Variants in DMD observed in about 807,000 individuals in gnomAD.
The protein encoded by DMD is mutant dystrophin.
Under a neutral mutation model 330.1 loss-of-function variants are expected in DMD, and 63 were observed. The ratio of observed to expected loss-of-function variants is 0.19; its 90% CI spans 0.16 to 0.24. DMD has a LOEUF of 0.24. Among genes scored for constraint, DMD ranks in the 10% least tolerant of loss-of-function variants. DMD has a pLI of 1.00. For synonymous variants in DMD, 1,223 were observed against 959.8 expected (o/e 1.27, Z -5.07); for missense variants, 3,344 against 2,684.1 (o/e 1.25, Z -5.43).
chrX:32,954,729 T>TC (rs768062834), intron 2 of DMD, among the ~76,000 whole-genome samples: 7 of 110,821 alleles, frequency 6.3e-5, no homozygotes, highest in Non-Finnish European at 1.3e-4. Context: ...TGTATGTTAT[T>TC]CCCCTCTAAG....
chrX:31,237,077 A>G (rs2047801735), intron 63 of DMD, among the ~76,000 whole-genome samples: 1 of 112,211 alleles, frequency 8.9e-6, no homozygotes, highest in Non-Finnish European at 1.9e-5. Context: ...AGTAGAAATT[A>G]ACCTTAGTTA....
At chrX:32,927,637 C>T (rs756930302) in intron 2 of DMD, among the ~76,000 whole-genome samples, 1 of 111,086 alleles carries the variant, frequency 9.0e-6, no homozygotes, top group African/African-American at 3.3e-5. Context: ...TTTAAGTTTT[C>T]GGGTATTTAG....
chrX:32,323,278 G>A (rs1482599000), intron 41 of DMD, among the ~76,000 whole-genome samples: 1 of 111,171 alleles, frequency 9.0e-6, no homozygotes, highest in Admixed American at 9.6e-5. Context: ...GAGTATTCTT[G>A]AATTTTGATA....
At chrX:33,070,146 T>C (rs192227089) in intron 1 of DMD, among the ~76,000 whole-genome samples, 33 of 112,066 alleles carry the variant, frequency 2.9e-4, no homozygotes, top group Admixed American at 2.8e-3. Context: ...CATTCTAATA[T>C]GTTAAAATCT....
chrX:32,524,319 C>T (rs1410048605), intron 17 of DMD, among the ~76,000 whole-genome samples: 1 of 111,956 alleles, frequency 8.9e-6, no homozygotes, highest in Non-Finnish European at 1.9e-5. Context: ...GGTCAAATGT[C>T]TCCTTTTTTT....
chrX:31,850,306 T>G (rs1260484314), intron 48 of DMD, among the ~76,000 whole-genome samples: 1 of 112,558 alleles, frequency 8.9e-6, no homozygotes, highest in Admixed American at 9.4e-5. Flanking sequence ...GTACGATATA[T>G]CTCAAGTTCA....
chrX:32,736,820 G>A (rs1447367365), intron 7 of DMD, among the ~76,000 whole-genome samples: 1 of 109,312 alleles, frequency 9.1e-6, no homozygotes, highest in Non-Finnish European at 1.9e-5. Context: ...AATGCTAGAT[G>A]ACGAGTTAGT....
intron 77 of DMD, 73 bp downstream of exon 77, chrX:31,134,029 C>T: frequency 1.1e-6 from 1 of 943,544 alleles, no homozygotes; most frequent in East Asian, 3.1e-5. Flanking sequence ...GGAAAATACA[C>T]ACACCAGTTG....
chrX:32,018,882 C>T (rs1246269167), intron 44 of DMD, among the ~76,000 whole-genome samples: 2 of 111,118 alleles, frequency 1.8e-5, no homozygotes, highest in African/African-American at 6.5e-5. Flanking sequence ...TTGTGAGTTG[C>T]ATTTAACTTT....
chrX:32,657,866 A>G (rs2060687441), intron 9 of DMD, among the ~76,000 whole-genome samples: 1 of 111,636 alleles, frequency 9.0e-6, no homozygotes, highest in Admixed American at 9.6e-5. Context: ...AGTCTTATTT[A>G]TTTTAATCAG....
At chrX:32,497,607 T>C (rs955722797) in intron 19 of DMD, among the ~76,000 whole-genome samples, 5 of 112,286 alleles carry the variant, frequency 4.5e-5, no homozygotes, top group African/African-American at 1.6e-4. Flanking sequence ...TTTTGGTAAT[T>C]TCAGTATTAA....
At chrX:32,798,506 A>G (rs1437953272) in intron 7 of DMD, among the ~76,000 whole-genome samples, 2 of 112,525 alleles carry the variant, frequency 1.8e-5, no homozygotes, top group African/African-American at 6.4e-5. Context: ...AATTGCTACA[A>G]TAATATCTGA....
At chrX:31,743,901 G>A (rs1260095436) in intron 51 of DMD, among the ~76,000 whole-genome samples, 3 of 109,064 alleles carry the variant, frequency 2.8e-5, no homozygotes, top group Non-Finnish European at 5.7e-5. Context: ...CTGTCATTCT[G>A]GCTGGAGGGC....
At chrX:32,351,983 C>T (rs956948181) in intron 37 of DMD, among the ~76,000 whole-genome samples, 4 of 110,537 alleles carry the variant, frequency 3.6e-5, no homozygotes, top group East Asian at 2.8e-4. Flanking sequence ...GAAAGACTAC[C>T]GTGCATTTTG....
intron 44 of DMD, among the ~76,000 whole-genome samples, chrX:32,069,149 T>A (rs1159539283): frequency 1.8e-5 from 2 of 111,443 alleles, no homozygotes; most frequent in African/African-American, 6.5e-5. Flanking sequence ...TTTACTTCCT[T>A]TTGGTATGAT....
At chrX:32,831,425 TTAG>T in intron 4 of DMD, among the ~76,000 whole-genome samples, 1 of 110,624 alleles carries the variant, frequency 9.0e-6, no homozygotes, top group Middle Eastern at 4.6e-3. Flanking sequence ...CAGGAACAAG[TTAG>T]TGTTATTTTT....
chrX:32,187,771 T>A (rs1222756092), intron 44 of DMD, among the ~76,000 whole-genome samples: 2 of 108,459 alleles, frequency 1.8e-5, no homozygotes, highest in African/African-American at 3.3e-5. Context: ...ACCAGAATTA[T>A]TTTTTTTTTC....
chrX:32,169,331 A>G (rs1316500511), intron 44 of DMD, among the ~76,000 whole-genome samples: 1 of 111,828 alleles, frequency 8.9e-6, no homozygotes, highest in Non-Finnish European at 1.9e-5. Flanking sequence ...TGATCTCTAC[A>G]AACTTGCATT....
chrX:31,911,675 ACTG>A (rs781505810), intron 47 of DMD, among the ~76,000 whole-genome samples: 3 of 111,908 alleles, frequency 2.7e-5, no homozygotes, highest in African/African-American at 9.8e-5. Flanking sequence ...TGGCCAAGTT[ACTG>A]CTAACAAACG....
Sources: gnomAD v4.1 joint callset for allele counts (sites outside exome capture counted in the v4.1 genomes callset) on GRCh38, gnomAD v4.1.1 for gene constraint, MANE v1.5 for transcripts, NCBI Gene and HGNC (gene_info 2026-07-23, HGNC 2026-07-21) for gene names.